AGBL1: variants seen among roughly 807,000 people sequenced by gnomAD.
AGBL1 encodes cytosolic carboxypeptidase 4.
AGBL1 carries 130 observed loss-of-function variants against 118.9 expected under a neutral mutation model. The ratio of observed to expected loss-of-function variants is 1.09; its 90% confidence interval spans 0.95 to 1.26. AGBL1 has a LOEUF of 1.26. AGBL1 is among the 50% of genes most tolerant of loss of function. The pLI, the probability that AGBL1 is intolerant of heterozygous loss-of-function variation, is 0.00. For missense variants in AGBL1, 1,584 were observed against 1,298.1 expected (o/e 1.22, Z -3.38); for synonymous variants, 555 against 478.9 (o/e 1.16, Z -2.08).
chr15:86,248,649 A>C (rs1002706842), intron 7 of AGBL1, among the ~76,000 whole-genome samples: 17 of 152,198 alleles, frequency 1.1e-4, no homozygotes, highest in Admixed American at 5.2e-4. Context: ...CGTTGTGAGG[A>C]TGAGCCGTTA....
chr15:86,624,011 GC>G (rs2142417140), intron 21 of AGBL1, among the ~76,000 whole-genome samples: 1 of 152,276 alleles, frequency 6.6e-6, no homozygotes, highest in Non-Finnish European at 1.5e-5. Flanking sequence ...AAAACTAGGG[GC>G]CTTTCCATAA....
chr15:86,953,992 A>G (rs899467455), intron 23 of AGBL1, among the ~76,000 whole-genome samples: 1 of 152,194 alleles, frequency 6.6e-6, no homozygotes, highest in Non-Finnish European at 1.5e-5. Context: ...AATGCTCCTC[A>G]TCACTAATTA....
intron 22 of AGBL1, among the ~76,000 whole-genome samples, chr15:86,891,354 A>C (rs539939359): frequency 4.7e-4 from 72 of 152,198 alleles, no homozygotes; most frequent in South Asian, 2.5e-3. Flanking sequence ...GACATTGATG[A>C]GTTTTACAGC....
chr15:87,011,778 A>G (rs539849695), intron 24 of AGBL1, among the ~76,000 whole-genome samples: 48 of 152,354 alleles, frequency 3.2e-4, no homozygotes, highest in African/African-American at 1.2e-3. Flanking sequence ...TTAAACTTGC[A>G]ACATTGGCTT....
At chr15:86,469,250 C>G (rs1596153401) in intron 18 of AGBL1, among the ~76,000 whole-genome samples, 1 of 152,276 alleles carries the variant, frequency 6.6e-6, no homozygotes, top group South Asian at 2.1e-4. Context: ...TTTCCAATTC[C>G]CTCAGCCTCT....
intron 1 of AGBL1, among the ~76,000 whole-genome samples, chr15:86,100,564 T>C (rs2141496003): frequency 6.6e-6 from 1 of 152,242 alleles, no homozygotes; most frequent in Admixed American, 6.5e-5. Flanking sequence ...TATTCAGGTC[T>C]TCTATTTCTT....
intron 22 of AGBL1, among the ~76,000 whole-genome samples, chr15:86,807,010 C>T (rs1196018521): frequency 3.3e-5 from 5 of 151,920 alleles, no homozygotes; most frequent in Non-Finnish European, 5.9e-5. Flanking sequence ...AAACTTGTAA[C>T]TGCTTTCTAG....
At chr15:86,532,115 T>A (rs2083358273) in intron 19 of AGBL1, among the ~76,000 whole-genome samples, 1 of 150,732 alleles carries the variant, frequency 6.6e-6, no homozygotes, top group African/African-American at 2.4e-5. Flanking sequence ...GCCAGGGCAA[T>A]CAGGCAGGAG....
At chr15:86,323,518 C>T (rs1211787773) in intron 17 of AGBL1, among the ~76,000 whole-genome samples, 1 of 152,058 alleles carries the variant, frequency 6.6e-6, no homozygotes, top group Non-Finnish European at 1.5e-5. Context: ...CATCCACTAT[C>T]AGGAGAAATA....
At chr15:86,335,361 A>G (rs1339594611) in intron 17 of AGBL1, among the ~76,000 whole-genome samples, 1 of 152,056 alleles carries the variant, frequency 6.6e-6, no homozygotes, top group Non-Finnish European at 1.5e-5. Flanking sequence ...GATGGTCTCG[A>G]TCTCTTGACC....
At chr15:86,214,499 T>C (rs1449433767) in intron 5 of AGBL1, among the ~76,000 whole-genome samples, 1 of 152,256 alleles carries the variant, frequency 6.6e-6, no homozygotes, top group Non-Finnish European at 1.5e-5. Context: ...TAATGGACTT[T>C]TGAATTGTTT....
At chr15:86,431,990 C>G (rs979768316) in intron 18 of AGBL1, among the ~76,000 whole-genome samples, 3 of 152,126 alleles carry the variant, frequency 2.0e-5, no homozygotes, top group African/African-American at 4.8e-5. Context: ...CCCTAGAATC[C>G]AGGGACTCAC....
intron 22 of AGBL1, among the ~76,000 whole-genome samples, chr15:86,714,478 T>A (rs926843620): frequency 6.6e-6 from 1 of 152,156 alleles, no homozygotes. Flanking sequence ...GGCTGTCTTA[T>A]CAAAGCCATG....
At chr15:86,122,146 G>A (rs1898128438) in intron 1 of AGBL1, among the ~76,000 whole-genome samples, 2 of 152,150 alleles carry the variant, frequency 1.3e-5, no homozygotes, top group African/African-American at 4.8e-5. Context: ...TACTGCTGAT[G>A]GAAAATAGTC....
chr15:86,703,210 A>G (rs1202712697), intron 22 of AGBL1, among the ~76,000 whole-genome samples: 1 of 152,086 alleles, frequency 6.6e-6, no homozygotes, highest in Admixed American at 6.6e-5. Context: ...TTTTTGTTTC[A>G]CTTGTTATTT....
At chr15:86,157,095 A>G (rs1411043344) in intron 4 of AGBL1, among the ~76,000 whole-genome samples, 2 of 152,076 alleles carry the variant, frequency 1.3e-5, no homozygotes, top group East Asian at 1.9e-4. Context: ...TGGCCACAAT[A>G]ACCTGATTTT....
chr15:86,539,640 T>G (rs1222217936), intron 19 of AGBL1, among the ~76,000 whole-genome samples: 3 of 152,236 alleles, frequency 2.0e-5, no homozygotes, highest in African/African-American at 7.2e-5. Context: ...TCTACCCTCT[T>G]ATTCCAAATT....
intron 22 of AGBL1, among the ~76,000 whole-genome samples, chr15:86,851,939 T>C (rs1277799522): frequency 6.6e-6 from 1 of 152,174 alleles, no homozygotes; most frequent in Non-Finnish European, 1.5e-5. Flanking sequence ...ATTTTTTATT[T>C]TTTATTGTTT....
At chr15:86,575,536 A>G (rs772997364) in intron 21 of AGBL1, among the ~76,000 whole-genome samples, 55 of 152,168 alleles carry the variant, frequency 3.6e-4, no homozygotes, top group Non-Finnish European at 6.5e-4. Context: ...AAATTTGAAA[A>G]TAAAAGCTAA....
Sources: gnomAD v4.1 joint callset for allele counts (sites outside exome capture counted in the v4.1 genomes callset) on GRCh38, gnomAD v4.1.1 for gene constraint, MANE v1.5 for transcripts, NCBI Gene and HGNC (gene_info 2026-07-23, HGNC 2026-07-21) for gene names.